CD69: variants seen among roughly 807,000 people sequenced by gnomAD.
The protein encoded by CD69 is early activation antigen CD69.
A neutral mutation model predicts 21.4 loss-of-function variants in CD69; 10 were observed. That is an observed-to-expected ratio of 0.47 (90% CI 0.29 to 0.79). CD69 has a LOEUF of 0.79. Among genes scored for constraint, CD69 ranks in the 30% least tolerant of loss-of-function variants. The pLI is 0.09. For synonymous variants in CD69, 63 were observed against 78.2 expected, an observed-to-expected ratio of 0.81 and a Z score of 1.03; for missense variants, 204 against 236.9, an observed-to-expected ratio of 0.86 and a Z score of 0.91.
In CD69 at chr12:9,753,459, A is replaced by G; in HGVS notation, c.*22T>C. The G allele has an allele frequency of 9.8e-7, 1 of 1,018,290 alleles. No individual in the cohort carries two copies. Among genetic ancestry groups the G allele is most frequent in the Non-Finnish European group, 1.5e-6 (1 of 647,332 alleles). 63.1% of individuals were successfully genotyped at this position (1,018,290 alleles called of 1,614,324 possible). ...CCTTGAGTTCCATTCTATAATAGTC[A>G]ATAAGTGAACATGTTTCCTTATTAT... On this transcript the variant is annotated 3_prime_UTR_variant, in exon 5 of 5. Coordinates refer to ENST00000228434, the MANE Select transcript of CD69 (RefSeq NM_001781.2).
At chr12:9,760,458 G>T (rs1460470161) in intron 1 of CD69, among the ~76,000 whole-genome samples, 1 of 152,130 alleles carries the variant, frequency 6.6e-6, no homozygotes, top group Non-Finnish European at 1.5e-5. Flanking sequence ...CAAAGAGAAA[G>T]ATCTTTAAAG....
chr12:9,753,502 T>C lies in CD69; in HGVS notation c.579A>G (p.Ile193Met), dbSNP rs1866647126. 4 of 1,476,134 alleles carry C rather than the reference T, an allele frequency of 2.7e-6. No individual in the cohort carries two copies. The highest frequency in any genetic ancestry group is 3.8e-6 in the Non-Finnish European group (4 of 1,056,538). The allele number at this position is 1,476,134 out of a possible 1,614,324, so 91.4% of individuals were successfully genotyped here. Residue 193 changes from isoleucine (I) to methionine (M), a missense_variant, in exon 5 of 5, where the codon ATA becomes ATG. Ile to Met is a conservative substitution (Grantham distance 10). Transcript: ENST00000228434. ...CTTATTATTTGTAAGGTTTGTTACA[T>C]ATCCAGTATAAATTCTTCTCACATT... ...SMECEKNLYW[I>M]CNKPYK is the part of the protein sequence containing the mutation.
chr12:9,758,986 G>A (rs1391096345), intron 1 of CD69, among the ~76,000 whole-genome samples: 6 of 148,592 alleles, frequency 4.0e-5, no homozygotes, highest in East Asian at 1.9e-4. Flanking sequence ...CTGGAGTGCA[G>A]TTGCGTGATC....
chr12:9,757,634 T>C (rs753968323), intron 1 of CD69, among the ~76,000 whole-genome samples: 3 of 152,148 alleles, frequency 2.0e-5, no homozygotes, highest in African/African-American at 4.8e-5. Context: ...AAAAAAATGT[T>C]GAGTGAAAAA....
rs1866727750 is a variant in CD69, at chr12:9,760,797, T to C, written c.24A>G (p.Val8=). 2 of 1,612,634 alleles carry C rather than the reference T, an allele frequency of 1.2e-6. No individual in the cohort carries two copies. Among genetic ancestry groups the C allele is most frequent in the Non-Finnish European group, 1.7e-6 (2 of 1,179,828 alleles). The change falls in exon 1 of 5, where the codon GTA becomes GTG. Residue 8 remains valine, a synonymous_variant. Transcript: ENST00000228434. ...CCGGATGCAAAGAGCTGTTCTCTGC[T>C]ACGAAACAATTTTCAGAGCTCATCT... MSSENCF[V]AENSSLHPES... is the part of the protein sequence containing the mutation.
chr12:9,758,982 T>A (rs956651712), intron 1 of CD69, among the ~76,000 whole-genome samples: 1 of 148,974 alleles, frequency 6.7e-6, no homozygotes, highest in Non-Finnish European at 1.5e-5. Flanking sequence ...CAGGCTGGAG[T>A]GCAGTTGCGT....
In CD69 at chr12:9,756,344, T is replaced by C. The variant is rs1242402844; in HGVS notation, c.140A>G (p.Asn47Ser). 3 of 1,613,710 alleles carry C rather than the reference T, an allele frequency of 1.9e-6. No individual in the cohort carries two copies. The highest frequency in any genetic ancestry group is 2.5e-6 in the Non-Finnish European group (3 of 1,179,680). The part of the protein sequence containing the change: ...FQVPVLCAVM[N>S]VVFITILIIA... ...GATTAAAATGGTGATGAAGACCACATTCATTACAGCACACAGGACAGGAAC... is the reference window on the plus strand; with the variant it reads ...GATTAAAATGGTGATGAAGACCACACTCATTACAGCACACAGGACAGGAAC... The change falls in exon 2 of 5, where the codon AAT (asparagine) becomes AGT (serine). Residue 47 changes from asparagine to serine, a missense_variant. Transcript: ENST00000228434.
In CD69 at chr12:9,752,828, G is replaced by A. The variant is rs1037508243; in HGVS notation, c.*653C>T. 1.3e-5 allele frequency: 2 copies of A among 152,490 alleles called. No individual in the cohort carries two copies. Among genetic ancestry groups the A allele is most frequent in the African/African-American group, 4.8e-5 (2 of 41,382 alleles). The allele number at this position is 152,490 out of a possible 1,614,324, so 9.4% of individuals were successfully genotyped here. A position where few individuals can be genotyped will look rare whatever the true frequency, so the allele number is the denominator to read the frequency against. On this transcript the variant is annotated 3_prime_UTR_variant, in exon 5 of 5. Coordinates refer to ENST00000228434, the MANE Select transcript of CD69 (RefSeq NM_001781.2). ...AAAGATTATAAAGGCAAAGAAATAT[G>A]TACCATCGAAAAGGACCTGTCTACA... is the stretch of plus-strand genomic sequence containing the variant.
chr12:9,755,290 T>C (rs757452828), intron 2 of CD69, 29 bp from the exon 3 acceptor site: 8 of 1,588,266 alleles, frequency 5.0e-6, no homozygotes, highest in Non-Finnish European at 6.9e-6. Flanking sequence ...TTTGTTTTAG[T>C]AACAAAAGAA....
chr12:9,759,074 C>T (rs1001799834), intron 1 of CD69, among the ~76,000 whole-genome samples: 3 of 152,134 alleles, frequency 2.0e-5, no homozygotes, highest in East Asian at 3.9e-4. Context: ...GGACTACAGG[C>T]GCCCGCCCCC....
intron 2 of CD69, 61 bp downstream of exon 2, chr12:9,756,236 A>C (rs759699294): frequency 6.7e-7 from 1 of 1,494,562 alleles, no homozygotes; most frequent in East Asian, 2.3e-5. Flanking sequence ...TATTGATTTC[A>C]GCTGGGCATG....
At chr12:9,760,667 T>G (rs1191577100) in intron 1 of CD69, 90 bp downstream of exon 1, 7 of 896,360 alleles carry the variant, frequency 7.8e-6, no homozygotes, top group Admixed American at 1.8e-5. Context: ...ATATCATATA[T>G]AGAGAGATTA....
At chr12:9,757,099 A>G (rs933597773) in intron 1 of CD69, among the ~76,000 whole-genome samples, 15 of 152,056 alleles carry the variant, frequency 9.9e-5, no homozygotes, top group Admixed American at 8.5e-4. Flanking sequence ...ATAAATAAAT[A>G]AATAAAAAAT....
chr12:9,757,102 TA>T (rs1866686132), intron 1 of CD69, among the ~76,000 whole-genome samples: 1 of 151,928 alleles, frequency 6.6e-6, no homozygotes, highest in Non-Finnish European at 1.5e-5. Context: ...AATAAATAAA[TA>T]AAAAATTCTA....
intron 1 of CD69, among the ~76,000 whole-genome samples, chr12:9,760,043 A>C (rs1866718604): frequency 6.6e-6 from 1 of 152,234 alleles, no homozygotes; most frequent in South Asian, 2.1e-4. Flanking sequence ...AAGGTTAAAT[A>C]GAAGGATGAA....
At position 9,754,628 on chromosome 12, in the gene CD69, A is replaced by G; in HGVS notation, c.450T>C (p.Gly150=). 6.2e-7 allele frequency: 1 copy of G among 1,612,866 alleles called. No individual in the cohort carries two copies. Among genetic ancestry groups the G allele is most frequent in the Non-Finnish European group, 8.5e-7 (1 of 1,178,866 alleles). Residue 150 remains glycine, a synonymous_variant, in exon 4 of 5, where the codon GGT becomes GGC. Transcript: ENST00000228434. ...EHWVGLKKEP[G]HPWKWSNGKE... ...TGCCATTTGACCACTTCCATGGGTG[A>G]CCAGGTTCCTTTTTCAGTCCAACCC... is the stretch of plus-strand genomic sequence containing the variant.
In CD69 at chr12:9,754,370, A is replaced by G. The variant is rs779421121; in HGVS notation, c.491+217T>C. On this transcript the variant is annotated intron_variant, in intron 4 of 4. Transcript: ENST00000228434. ...TTAGAGTTTGCTGAGAAAAATTACT[A>G]TAAGCATTTATTTTATGTATTATAA... 2.6e-5 allele frequency: 9 copies of G among 341,358 alleles called. No homozygotes were observed. In the South Asian group the frequency reaches 4.8e-4, roughly 18 times the overall value. The allele number at this position is 341,358 out of a possible 1,614,324, so 21.1% of individuals were successfully genotyped here. A position where few individuals can be genotyped will look rare whatever the true frequency, so the allele number is the denominator to read the frequency against.
At chr12:9,760,726 G>A (rs1282176786) in intron 1 of CD69, 31 bp downstream of exon 1, 5 of 1,519,790 alleles carry the variant, frequency 3.3e-6, no homozygotes, top group Non-Finnish European at 4.6e-6. Flanking sequence ...AGAGATACCA[G>A]AGAGTAAATA....
intron 3 of CD69, 150 bp from the exon 4 acceptor site, chr12:9,754,840 TG>T (rs1370834090): frequency 1.4e-6 from 1 of 695,736 alleles, no homozygotes; most frequent in Non-Finnish European, 2.5e-6. Flanking sequence ...TTTGGATTTC[TG>T]GTCTTTGAAG....
Sources: allele counts gnomAD v4.1 joint callset (sites outside exome capture counted in the v4.1 genomes callset), GRCh38; gene constraint gnomAD v4.1.1; transcripts MANE v1.5; gene names NCBI Gene and HGNC (gene_info 2026-07-23, HGNC 2026-07-21).